Variants in PAX2 observed in about 807,000 individuals in gnomAD.
PAX2 encodes the protein paired box protein Pax-2.
Under a neutral mutation model 41.7 loss-of-function variants are expected in PAX2, and 9 were observed. The ratio of observed to expected loss-of-function variants is 0.22; its 90% CI spans 0.13 to 0.38. The LOEUF is 0.38. Among genes scored for constraint, PAX2 ranks in the 10% least tolerant of loss-of-function variants. The pLI, the probability that PAX2 is intolerant of heterozygous loss-of-function variation, is 1.00. For synonymous variants in PAX2, 221 were observed against 212.7 expected (o/e 1.04, Z -0.34); for missense variants, 418 against 531.6 (o/e 0.79, Z 2.10).
intron 1 of PAX2, 83 bp from the exon 2 acceptor site, chr10:100,749,663 G>C: frequency 6.5e-7 from 1 of 1,543,720 alleles, no homozygotes; most frequent in Non-Finnish European, 8.8e-7. Flanking sequence ...TGCTTCCTTC[G>C]CCCGTCCCGG....
At chr10:100,825,401 G>T (rs576426606) in intron 8 of PAX2, among the ~76,000 whole-genome samples, 1 of 152,282 alleles carries the variant, frequency 6.6e-6, no homozygotes, top group East Asian at 1.9e-4. Flanking sequence ...CTAATCAGAG[G>T]AGTTGGGTTT....
Position 100,806,599 on chromosome 10 carries a change from A to G in PAX2, c.786A>G (p.Ser262=), listed in dbSNP as rs1217106098. The G allele has an allele frequency of 1.2e-6, 2 of 1,613,726 alleles. No individual in the cohort carries two copies. Among genetic ancestry groups the G allele is most frequent in the African/African-American group, 1.3e-5 (1 of 74,930 alleles). ...DVFQASEHIK[S]EQGNEYSLPA... Reference sequence around the variant, plus strand: ...TCCAGGCATCAGAGCACATCAAATCAGAACAGGTGAGGAGGGAGCTTTCTG... The same window carrying G: ...TCCAGGCATCAGAGCACATCAAATCGGAACAGGTGAGGAGGGAGCTTTCTG... Residue 262 remains serine, a synonymous_variant, in exon 6 of 10, where the codon TCA becomes TCG. Coordinates refer to ENST00000355243, the MANE Select transcript of PAX2 (RefSeq NM_000278.5).
intron 3 of PAX2, among the ~76,000 whole-genome samples, chr10:100,757,946 T>G (rs868410570): frequency 1.3e-5 from 2 of 152,002 alleles, no homozygotes; most frequent in African/African-American, 4.8e-5. Flanking sequence ...AGAGGAAGTG[T>G]GCAGGAAAGA....
chr10:100,771,068 C>T (rs1846194372), intron 3 of PAX2, among the ~76,000 whole-genome samples: 1 of 152,236 alleles, frequency 6.6e-6, no homozygotes, highest in South Asian at 2.1e-4. Context: ...TTAGCAAGCA[C>T]CCCAGGGGAT....
chr10:100,743,813 C>T, upstream of PAX2, among the ~76,000 whole-genome samples: 1 of 152,240 alleles, frequency 6.6e-6, no homozygotes, highest in East Asian at 1.9e-4. Context: ...AGGCTAGGCC[C>T]TGCGTCTTCA....
intron 1 of PAX2, chr10:100,735,754 T>C (rs2133806363): frequency 3.9e-6 from 4 of 1,033,520 alleles, no homozygotes; most frequent in Non-Finnish European, 4.7e-6. Flanking sequence ...CAGAGACCCG[T>C]CCGCGCCGCA....
At position 100,826,904 on chromosome 10, in the gene PAX2, G is replaced by A. The variant is rs974524499; in HGVS notation, c.1022-105G>A. 3.6e-5 allele frequency: 29 copies of A among 796,010 alleles called. No homozygotes were observed. The highest frequency in any genetic ancestry group is 1.5e-4 in the Admixed American group (8 of 53,412). The allele number at this position is 796,010 out of a possible 1,614,324, so 49.3% of individuals were successfully genotyped here. On this transcript the variant is annotated intron_variant, in intron 8 of 9. Coordinates refer to ENST00000355243, the MANE Select transcript of PAX2 (RefSeq NM_000278.5). The surrounding 1 kb of genome is among the most constrained non-coding windows in gnomAD (Gnocchi z 5.5). ...CCATTACCCTGCCCGCGACACCTGC[G>A]CCTGAGACCCGGCGGGAGGAGCGGG...
At chr10:100,772,908 T>C (rs1846264076) in intron 3 of PAX2, among the ~76,000 whole-genome samples, 2 of 152,208 alleles carry the variant, frequency 1.3e-5, no homozygotes, top group Non-Finnish European at 2.9e-5. Flanking sequence ...AGATCCAATG[T>C]ACAGGGGTTG....
chr10:100,739,085 C>A (rs1844865671), intron 1 of PAX2, among the ~76,000 whole-genome samples: 1 of 151,894 alleles, frequency 6.6e-6, no homozygotes, highest in African/African-American at 2.4e-5. Flanking sequence ...CAGCAGCAGC[C>A]CTAGCCCCGA....
chr10:100,812,534 C>T (rs2133962754), intron 7 of PAX2, among the ~76,000 whole-genome samples: 1 of 152,356 alleles, frequency 6.6e-6, no homozygotes, highest in African/African-American at 2.4e-5. Flanking sequence ...GGCTGCCATC[C>T]ACCTCTCAGT....
chr10:100,783,678 T>C (rs945711339), intron 5 of PAX2, among the ~76,000 whole-genome samples: 19 of 149,712 alleles, frequency 1.3e-4, no homozygotes, highest in African/African-American at 4.2e-4. Context: ...TTTTTTTTTT[T>C]CTGAAAGCAG....
Position 100,787,881 on chromosome 10 carries a change from G to T in PAX2, c.616+6516G>T, listed in dbSNP as rs563168823. On this transcript the variant is annotated intron_variant, in intron 5 of 9. Coordinates refer to ENST00000355243, the MANE Select transcript of PAX2 (RefSeq NM_000278.5). ...AGGGTGGAAGAAGGCAGTCATTACT[G>T]CATACCTCTGTTGTGTTGTTATTGC... Among the ~76,000 whole-genome samples the T allele has an allele frequency of 8.5e-5, 13 of 152,104 alleles. No individual in the cohort carries two copies. In the South Asian group the frequency reaches 2.3e-3, roughly 27 times the overall value.
upstream of PAX2, among the ~76,000 whole-genome samples, chr10:100,743,430 G>A (rs572405242): frequency 1.3e-5 from 2 of 152,234 alleles, no homozygotes; most frequent in South Asian, 2.1e-4. Flanking sequence ...GTGGAAGGGG[G>A]GGGGTTTACT....
intron 3 of PAX2, among the ~76,000 whole-genome samples, chr10:100,759,345 G>A (rs1160668443): frequency 5.9e-5 from 9 of 152,352 alleles, no homozygotes; most frequent in Admixed American, 5.9e-4. Flanking sequence ...GAGCTATGCA[G>A]CCCTTTCTGA....
chr10:100,797,524 G>A (rs1041473868), intron 5 of PAX2, among the ~76,000 whole-genome samples: 1 of 152,256 alleles, frequency 6.6e-6, no homozygotes, highest in Non-Finnish European at 1.5e-5. Context: ...AAGATTATCA[G>A]AGGAGTGCCT....
At chr10:100,735,579 C>A in exon 1 of PAX2, 1 of 746,480 alleles carries the variant, frequency 1.3e-6, no homozygotes, top group Non-Finnish European at 1.7e-6. Context: ...ATCTGAGCCG[C>A]TTGGTGTTGG....
chr10:100,811,012 T>A, intron 7 of PAX2, among the ~76,000 whole-genome samples: 1 of 152,174 alleles, frequency 6.6e-6, no homozygotes, highest in East Asian at 1.9e-4. Flanking sequence ...TATGCGACAT[T>A]TCAATCAAGC....
intron 5 of PAX2, among the ~76,000 whole-genome samples, chr10:100,796,457 C>A (rs72843862): frequency 4.0e-3 from 610 of 152,280 alleles, no homozygotes; most frequent in Middle Eastern, 0.01. Flanking sequence ...CTGGGATCAT[C>A]ATATTTTAAA....
At chr10:100,777,850 T>A (rs1021609859) in intron 3 of PAX2, among the ~76,000 whole-genome samples, 1 of 152,244 alleles carries the variant, frequency 6.6e-6, no homozygotes, top group Non-Finnish European at 1.5e-5. Context: ...ACATAGTAGA[T>A]GTTCAGTAAG....
Sources: gnomAD v4.1 joint callset for allele counts (sites outside exome capture counted in the v4.1 genomes callset) on GRCh38, gnomAD v4.1.1 for gene constraint, Gnocchi (gnomAD v3.1) non-coding constraint, MANE v1.5 for transcripts, NCBI Gene and HGNC (gene_info 2026-07-23, HGNC 2026-07-21) for gene names.